Variants in RPP40 observed in about 807,000 individuals in gnomAD.
RPP40 encodes ribonuclease P protein subunit p40.
Under a neutral mutation model 42.5 loss-of-function variants are expected in RPP40, and 30 were observed. That is an observed-to-expected ratio of 0.71 (90% CI 0.53 to 0.96). The LOEUF is 0.96. RPP40 is among the 40% of genes least tolerant of loss of function. The pLI is 0.00. For synonymous variants in RPP40, 173 were observed against 164.0 expected, an observed-to-expected ratio of 1.05 and a Z score of -0.42; for missense variants, 426 against 433.5, an observed-to-expected ratio of 0.98 and a Z score of 0.15.
chr6:4,993,221 C>T (rs1012884096), downstream of RPP40, among the ~76,000 whole-genome samples: 3 of 152,218 alleles, frequency 2.0e-5, no homozygotes, highest in Non-Finnish European at 4.4e-5. Flanking sequence ...CTGTGGGTGA[C>T]AGTCTTTCAG....
At chr6:5,003,788 G>A (rs1759664341) in intron 1 of RPP40, 92 bp downstream of exon 1, 3 of 1,423,748 alleles carry the variant, frequency 2.1e-6, no homozygotes, top group Non-Finnish European at 2.8e-6. Flanking sequence ...ACCGCCGGCG[G>A]CCCCGCCCCG....
At chr6:4,991,790 G>A (rs1759264402), downstream of RPP40, among the ~76,000 whole-genome samples, 1 of 152,168 alleles carries the variant, frequency 6.6e-6, no homozygotes, top group Non-Finnish European at 1.5e-5. Context: ...ATGTCAAATT[G>A]TAATCCCCAG....
rs1561748568 is a variant in RPP40, at chr6:5,003,364, A to AG, written c.123+515_123+516insC. On this transcript the variant is annotated intron_variant, in intron 1 of 7. Transcript: ENST00000380051. The stretch of plus-strand genomic sequence containing the variant: ...TCCGTCTAAAAAAAAAAAAAAAAAA[A>AG]AAAGGAAAATCAGTCGCTTCCTGGG... Among the ~76,000 whole-genome samples the AG allele has an allele frequency of 1.4e-4, 21 of 148,418 alleles. 1 individual carries two copies. The East Asian group carries it at 2.9e-3, about 21-fold the overall frequency.
chr6:4,989,365 C>T, the RPP40 span, among the ~76,000 whole-genome samples: 4 of 152,078 alleles, frequency 2.6e-5, no homozygotes, highest in Admixed American at 2.0e-4. Context: ...AGTCGTCTAA[C>T]TTGGTTCTTC....
chr6:4,994,357 T>A (rs376581261), downstream of RPP40, among the ~76,000 whole-genome samples: 1 of 151,834 alleles, frequency 6.6e-6, no homozygotes, highest in Non-Finnish European at 1.5e-5. Context: ...GTAACTAACC[T>A]GCACGTTGTG....
chr6:5,002,863 C>T (rs1427400632), intron 1 of RPP40, among the ~76,000 whole-genome samples: 1 of 152,236 alleles, frequency 6.6e-6, no homozygotes, highest in African/African-American at 2.4e-5. Context: ...AAAGTCATCA[C>T]TGTCCCAAGG....
At chr6:4,998,975 A>T in intron 4 of RPP40, 134 bp from the exon 5 acceptor site, 1 of 530,988 alleles carries the variant, frequency 1.9e-6, no homozygotes, top group Non-Finnish European at 3.1e-6. Flanking sequence ...TTCTTCTTCC[A>T]CTCCCTTTGG....
rs1163015511 is a variant in RPP40, at chr6:4,995,227, G to A, written c.943C>T (p.Gln315Ter). The A allele has an allele frequency of 1.2e-6, 2 of 1,613,908 alleles. No individual in the cohort carries two copies. Among genetic ancestry groups the A allele is most frequent in the African/African-American group, 2.7e-5 (2 of 74,876 alleles). Residue 315 changes from glutamine (Q) to a stop codon, truncating the protein, a stop_gained, in exon 8 of 8, where the codon CAA becomes TAA. Coordinates refer to ENST00000380051, the MANE Select transcript of RPP40 (RefSeq NM_006638.4). LOFTEE classifies it high-confidence loss of function. ...KLAPWVTLSV[Q>*]GFADSPVSWE... ...GAAACAGGGCTGTCTGCAAAGCCTTGAACGGACAGTGTAACCCATGGAGCT... is the reference window on the plus strand; with the variant it reads ...GAAACAGGGCTGTCTGCAAAGCCTTAAACGGACAGTGTAACCCATGGAGCT...
At chr6:4,988,524 C>A in the RPP40 span, among the ~76,000 whole-genome samples, 1 of 152,152 alleles carries the variant, frequency 6.6e-6, no homozygotes, top group Non-Finnish European at 1.5e-5. Flanking sequence ...CTAATCTGGT[C>A]TCCATTTCTA....
At chr6:5,000,490 CTTTTTTTT>C in intron 3 of RPP40, 65 bp downstream of exon 3, 2 of 695,230 alleles carry the variant, frequency 2.9e-6, no homozygotes, top group Non-Finnish European at 4.5e-6. Context: ...GCCCAGCTGA[CTTTTTTTT>C]TTTTTTTTTT....
chr6:4,995,918 T>C (rs1581318058), intron 7 of RPP40, 33 bp downstream of exon 7: 1 of 1,606,234 alleles, frequency 6.2e-7, no homozygotes, highest in South Asian at 1.1e-5. Flanking sequence ...TATAGAGCAC[T>C]GATGAGCGAT....
At chr6:4,990,464 A>G (rs568224699), downstream of RPP40, among the ~76,000 whole-genome samples, 8 of 152,054 alleles carry the variant, frequency 5.3e-5, no homozygotes, top group South Asian at 2.1e-4. Flanking sequence ...GAGGTGGAAA[A>G]TATTTCTTCC....
chr6:5,000,705 C>G, intron 2 of RPP40, 74 bp from the exon 3 acceptor site: 1 of 946,768 alleles, frequency 1.1e-6, no homozygotes, highest in Non-Finnish European at 1.7e-6. Context: ...ATTATTTTTA[C>G]AAGATAACCA....
intron 2 of RPP40, among the ~76,000 whole-genome samples, chr6:5,001,547 T>G (rs1342277335): frequency 6.6e-6 from 1 of 152,184 alleles, no homozygotes; most frequent in African/African-American, 2.4e-5. Context: ...AAAGGCCCTC[T>G]GAAATAGTTT....
chr6:5,003,851 C>T lies in RPP40; in HGVS notation c.123+29G>A, dbSNP rs1438934793. 3 of 1,593,490 alleles carry T rather than the reference C, an allele frequency of 1.9e-6. No individual in the cohort carries two copies. The African/African-American group carries it at 4.0e-5, about 21-fold the overall frequency. On this transcript the variant is annotated intron_variant, in intron 1 of 7. Transcript: ENST00000380051. ...TCTCGCACGCGGGGACTGAGCACGG[C>T]CCGAAAAGCCGAGGACAGCCGGACT... is the stretch of plus-strand genomic sequence containing the variant.
intron 3 of RPP40, among the ~76,000 whole-genome samples, chr6:5,000,282 G>A (rs892206993): frequency 6.6e-6 from 1 of 152,040 alleles, no homozygotes; most frequent in African/African-American, 2.4e-5. Flanking sequence ...CCGCCTCCCA[G>A]GTTCAAAGCG....
intron 4 of RPP40, among the ~76,000 whole-genome samples, chr6:4,999,503 T>C (rs1391175523): frequency 6.6e-6 from 1 of 152,088 alleles, no homozygotes; most frequent in Non-Finnish European, 1.5e-5. Flanking sequence ...TTCGCCATGT[T>C]GGTCACAATG....
At chr6:4,988,437 T>C in the RPP40 span, among the ~76,000 whole-genome samples, 4 of 152,178 alleles carry the variant, frequency 2.6e-5, no homozygotes, top group Admixed American at 2.6e-4. Flanking sequence ...TCCATCACCA[T>C]GATGATCCTT....
intron 7 of RPP40, 91 bp downstream of exon 7, chr6:4,995,860 A>G: frequency 7.9e-7 from 1 of 1,269,152 alleles, no homozygotes. Flanking sequence ...TTTTATTTAT[A>G]TACCACCTCC....
Sources: allele counts gnomAD v4.1 joint callset (sites outside exome capture counted in the v4.1 genomes callset), GRCh38; gene constraint gnomAD v4.1.1; transcripts MANE v1.5; gene names NCBI Gene and HGNC (gene_info 2026-07-23, HGNC 2026-07-21).